MTUS2: variants seen among roughly 807,000 people sequenced by gnomAD.
The protein encoded by MTUS2 is microtubule-associated tumor suppressor candidate 2.
Under a neutral mutation model 114.1 loss-of-function variants are expected in MTUS2, and 40 were observed. That is an observed-to-expected ratio of 0.35 (90% CI 0.27 to 0.46). MTUS2 has a LOEUF of 0.46. Among genes scored for constraint, MTUS2 ranks in the 20% least tolerant of loss-of-function variants. MTUS2 has a pLI of 1.00. For synonymous variants in MTUS2, 688 were observed against 672.0 expected, an observed-to-expected ratio of 1.02 and a Z score of -0.37; for missense variants, 1,679 against 1,705.4, an observed-to-expected ratio of 0.98 and a Z score of 0.27.
intron 5 of MTUS2, among the ~76,000 whole-genome samples, chr13:29,159,201 A>T (rs1358675789): frequency 6.6e-6 from 1 of 152,254 alleles, no homozygotes; most frequent in Non-Finnish European, 1.5e-5. Context: ...TTTACAATAC[A>T]GATCTATAAA....
intron 1 of MTUS2, among the ~76,000 whole-genome samples, chr13:28,825,673 G>C (rs1041405565): frequency 1.3e-4 from 20 of 152,176 alleles, no homozygotes; most frequent in African/African-American, 4.8e-4. Context: ...CTGTCTGCTG[G>C]TTTTTAGTTA....
At chr13:29,405,208 C>T (rs1201443153) in intron 8 of MTUS2, among the ~76,000 whole-genome samples, 3 of 152,030 alleles carry the variant, frequency 2.0e-5, no homozygotes, top group Middle Eastern at 3.2e-3. Context: ...GGAGAATTTG[C>T]GACTAATGAA....
intron 9 of MTUS2, among the ~76,000 whole-genome samples, chr13:29,470,274 G>T (rs1880183300): frequency 6.6e-6 from 1 of 152,094 alleles, no homozygotes; most frequent in African/African-American, 2.4e-5. Flanking sequence ...ATCATGAAAG[G>T]CTTATCAAAA....
chr13:29,145,541 A>T (rs957424505), intron 5 of MTUS2, among the ~76,000 whole-genome samples: 2 of 152,070 alleles, frequency 1.3e-5, no homozygotes, highest in African/African-American at 2.4e-5. Context: ...CATAAATATG[A>T]CTATGTCAAC....
chr13:29,329,735 TC>T (rs1900688029), intron 7 of MTUS2, among the ~76,000 whole-genome samples: 1 of 151,074 alleles, frequency 6.6e-6, no homozygotes, highest in Non-Finnish European at 1.5e-5. Flanking sequence ...TGCCTCAGCC[TC>T]CTGAGTAGCT....
chr13:29,152,081 T>C (rs1020553747), intron 5 of MTUS2, among the ~76,000 whole-genome samples: 2 of 152,108 alleles, frequency 1.3e-5, no homozygotes, highest in Admixed American at 1.3e-4. Context: ...TCCTTGATTT[T>C]TTTTGGGGGG....
chr13:29,229,048 T>G (rs886857633), intron 5 of MTUS2, among the ~76,000 whole-genome samples: 1 of 152,182 alleles, frequency 6.6e-6, no homozygotes, highest in Non-Finnish European at 1.5e-5. Flanking sequence ...GATTCTGCCA[T>G]GAAGTTAACA....
chr13:29,052,269 G>A (rs994407770), intron 4 of MTUS2, among the ~76,000 whole-genome samples: 2 of 152,014 alleles, frequency 1.3e-5, no homozygotes, highest in Non-Finnish European at 2.9e-5. Flanking sequence ...ATCACCTGAG[G>A]TCAGGAGTTC....
chr13:29,400,302 T>G (rs990400677), intron 8 of MTUS2, among the ~76,000 whole-genome samples: 3 of 152,210 alleles, frequency 2.0e-5, no homozygotes, highest in African/African-American at 7.2e-5. Flanking sequence ...TGTATCTATA[T>G]AAGTGGTCAG....
chr13:29,160,280 C>T (rs945302436), intron 5 of MTUS2, among the ~76,000 whole-genome samples: 1 of 152,212 alleles, frequency 6.6e-6, no homozygotes, highest in Non-Finnish European at 1.5e-5. Context: ...TACCAACTCT[C>T]CTCTAGAAAA....
chr13:29,113,029 T>C (rs749481821), intron 5 of MTUS2, among the ~76,000 whole-genome samples: 11 of 152,152 alleles, frequency 7.2e-5, no homozygotes, highest in Non-Finnish European at 1.5e-4. Context: ...AAACATGATT[T>C]TATACCGGAA....
intron 11 of MTUS2, among the ~76,000 whole-genome samples, chr13:29,492,344 C>T (rs147863906): frequency 1.6e-4 from 24 of 150,110 alleles, no homozygotes; most frequent in South Asian, 4.3e-4. Flanking sequence ...GTGTATGTGA[C>T]GGGTGTGTGA....
At chr13:28,910,414 TA>T (rs1401734074) in intron 2 of MTUS2, among the ~76,000 whole-genome samples, 9 of 152,186 alleles carry the variant, frequency 5.9e-5, no homozygotes, top group African/African-American at 2.2e-4. Context: ...GGAAGATGTG[TA>T]GGATGTTCAG....
intron 6 of MTUS2, among the ~76,000 whole-genome samples, chr13:29,284,161 A>G (rs1216622817): frequency 6.6e-6 from 1 of 152,178 alleles, no homozygotes; most frequent in Non-Finnish European, 1.5e-5. Context: ...TCAAATGTCC[A>G]TTAATAGGGG....
chr13:29,045,591 G>T (rs187541093), intron 4 of MTUS2, among the ~76,000 whole-genome samples: 1 of 152,278 alleles, frequency 6.6e-6, no homozygotes, highest in Admixed American at 6.5e-5. Flanking sequence ...GGTGGAGGTG[G>T]ATTTCAAGTC....
intron 9 of MTUS2, among the ~76,000 whole-genome samples, chr13:29,455,576 G>A (rs991529147): frequency 2.0e-5 from 3 of 152,184 alleles, no homozygotes; most frequent in South Asian, 2.1e-4. Context: ...AAGGAAGACA[G>A]TGTCATACCA....
At chr13:28,926,766 A>G (rs1881351215) in intron 2 of MTUS2, among the ~76,000 whole-genome samples, 3 of 152,212 alleles carry the variant, frequency 2.0e-5, no homozygotes, top group South Asian at 4.1e-4. Flanking sequence ...AAATCCCCAC[A>G]AATCATTTTT....
chr13:29,439,936 C>G, intron 8 of MTUS2, 47 bp from the exon 9 acceptor site: 1 of 1,408,166 alleles, frequency 7.1e-7, no homozygotes, highest in Non-Finnish European at 9.9e-7. Flanking sequence ...AAGTGCTTAT[C>G]TAGCATAAAA....
chr13:29,492,770 A>G (rs1882281655), intron 12 of MTUS2, 51 bp downstream of exon 12: 1 of 1,393,870 alleles, frequency 7.2e-7, no homozygotes, highest in South Asian at 1.2e-5. Flanking sequence ...TGGCAGCATC[A>G]TTATTCCCAC....
Sources: allele counts gnomAD v4.1 joint callset (sites outside exome capture counted in the v4.1 genomes callset), GRCh38; gene constraint gnomAD v4.1.1; transcripts MANE v1.5; gene names NCBI Gene and HGNC (gene_info 2026-07-23, HGNC 2026-07-21).